Variants in ANXA8 observed in about 807,000 individuals in gnomAD.
ANXA8 encodes annexin A8.
Under a neutral mutation model 26.8 loss-of-function variants are expected in ANXA8, and 9 were observed. The observed-to-expected ratio is 0.34, with a 90% CI of 0.20 to 0.59. The LOEUF is 0.59. ANXA8 is among the 20% of genes least tolerant of loss of function. ANXA8 has a pLI of 0.84. For missense variants in ANXA8, 83 were observed against 238.5 expected, an observed-to-expected ratio of 0.35 and a Z score of 4.29; for synonymous variants, 39 against 94.8, an observed-to-expected ratio of 0.41 and a Z score of 3.42.
the ANXA8 span, among the ~76,000 whole-genome samples, chr10:47,651,720 C>A: frequency 6.6e-6 from 1 of 151,296 alleles, no homozygotes; most frequent in Non-Finnish European, 1.5e-5. Flanking sequence ...CATGGAGAAA[C>A]CCCATCTCTA....
At chr10:47,485,073 C>A (rs1291613724), upstream of ANXA8, among the ~76,000 whole-genome samples, 3 of 151,090 alleles carry the variant, frequency 2.0e-5, no homozygotes, top group Admixed American at 6.6e-5. Flanking sequence ...CCTTTTGGTG[C>A]CCATCTAGGT....
the ANXA8 span, among the ~76,000 whole-genome samples, chr10:47,631,428 G>T: frequency 3.3e-5 from 5 of 151,050 alleles, no homozygotes; most frequent in African/African-American, 1.2e-4. Flanking sequence ...GCACAGTAAG[G>T]CCTTATATGT....
chr10:47,731,241 T>C, the ANXA8 span, among the ~76,000 whole-genome samples: 1 of 150,524 alleles, frequency 6.6e-6, no homozygotes, highest in Non-Finnish European at 1.5e-5. Context: ...ACCCTGTGTA[T>C]GTTTTTAAAA....
chr10:47,506,303 T>C, the ANXA8 span, among the ~76,000 whole-genome samples: 1 of 136,192 alleles, frequency 7.3e-6, no homozygotes, highest in Non-Finnish European at 1.6e-5. Flanking sequence ...CAACTACATA[T>C]TTGCATGAGG....
the ANXA8 span, among the ~76,000 whole-genome samples, chr10:47,647,037 A>T: frequency 6.6e-6 from 1 of 152,210 alleles, no homozygotes. Context: ...GATTTCTTTG[A>T]ATGCAAAGTT....
At chr10:47,555,593 C>G in the ANXA8 span, among the ~76,000 whole-genome samples, 1 of 151,976 alleles carries the variant, frequency 6.6e-6, no homozygotes, top group Non-Finnish European at 1.5e-5. Flanking sequence ...GTGACTCAGA[C>G]CTCTAACCTG....
At chr10:47,916,615 T>C in the ANXA8 span, among the ~76,000 whole-genome samples, 4 of 134,896 alleles carry the variant, frequency 3.0e-5, no homozygotes, top group African/African-American at 1.0e-4. Flanking sequence ...CCACACCAGT[T>C]AGGCATGAGG....
chr10:47,646,366 TTAG>T, the ANXA8 span, among the ~76,000 whole-genome samples: 2 of 142,268 alleles, frequency 1.4e-5, no homozygotes, highest in Non-Finnish European at 3.0e-5. Flanking sequence ...CCCACCTCAC[TTAG>T]TAGAGCAAGC....
At chr10:47,577,280 G>C in the ANXA8 span, among the ~76,000 whole-genome samples, 1 of 141,436 alleles carries the variant, frequency 7.1e-6, no homozygotes, top group African/African-American at 2.7e-5. Flanking sequence ...GCTCATGCCT[G>C]TAACTTCAGC....
At chr10:47,991,549 T>C in the ANXA8 span, 2 of 1,586,230 alleles carry the variant, frequency 1.3e-6, no homozygotes, top group Admixed American at 1.7e-5. Context: ...CCTCCATGCT[T>C]GGCCCAGGAG....
the ANXA8 span, among the ~76,000 whole-genome samples, chr10:47,613,306 A>G: frequency 6.9e-6 from 1 of 144,550 alleles, no homozygotes. Flanking sequence ...TAGGCATCTC[A>G]ACTGAGAAGT....
chr10:47,750,708 G>A, the ANXA8 span, among the ~76,000 whole-genome samples: 1 of 131,032 alleles, frequency 7.6e-6, no homozygotes, highest in African/African-American at 2.8e-5. Flanking sequence ...AAAGTGCGGG[G>A]ATAATAGATG....
chr10:47,676,558 C>T, the ANXA8 span, among the ~76,000 whole-genome samples: 16 of 151,902 alleles, frequency 1.1e-4, no homozygotes, highest in African/African-American at 1.9e-4. Flanking sequence ...CTTAGCTGAG[C>T]ATGGTGGCAC....
At chr10:47,607,295 GAT>G in the ANXA8 span, among the ~76,000 whole-genome samples, 1 of 131,374 alleles carries the variant, frequency 7.6e-6, no homozygotes, top group Non-Finnish European at 1.6e-5. Context: ...TAAATTTATA[GAT>G]ATATTAATTT....
chr10:47,940,502 C>A, the ANXA8 span, among the ~76,000 whole-genome samples: 38 of 146,006 alleles, frequency 2.6e-4, no homozygotes, highest in Non-Finnish European at 3.0e-4. Context: ...GACTTTAGGG[C>A]CTAGGGGAAT....
the ANXA8 span, among the ~76,000 whole-genome samples, chr10:47,509,013 T>C: frequency 7.4e-6 from 1 of 134,734 alleles, no homozygotes; most frequent in African/African-American, 3.2e-5. Flanking sequence ...TCAATAACTT[T>C]ATTTCACCAA....
At chr10:47,705,060 G>C in the ANXA8 span, among the ~76,000 whole-genome samples, 2 of 152,044 alleles carry the variant, frequency 1.3e-5, no homozygotes, top group Non-Finnish European at 1.5e-5. Flanking sequence ...GAGGCAAAGA[G>C]TTAAAGACCA....
At chr10:47,955,273 CTT>C in the ANXA8 span, among the ~76,000 whole-genome samples, 39,909 of 138,040 alleles carry the variant, frequency 0.29, 3,448 homozygotes, top group African/African-American at 0.46. Context: ...TCCATTAAAT[CTT>C]TTTTTTTTTT....
At chr10:47,658,197 A>G in the ANXA8 span, among the ~76,000 whole-genome samples, 4 of 151,832 alleles carry the variant, frequency 2.6e-5, no homozygotes, top group African/African-American at 4.9e-5. Flanking sequence ...GAGAAACCCC[A>G]TCTCTACTAA....
Sources: allele counts gnomAD v4.1 joint callset (sites outside exome capture counted in the v4.1 genomes callset), GRCh38; gene constraint gnomAD v4.1.1; transcripts MANE v1.5; gene names NCBI Gene and HGNC (gene_info 2026-07-23, HGNC 2026-07-21).